PCDHA4: variants seen among roughly 807,000 people sequenced by gnomAD.
The protein encoded by PCDHA4 is protocadherin alpha 4.
A neutral mutation model predicts 61.4 loss-of-function variants in PCDHA4; 49 were observed. The ratio of observed to expected loss-of-function variants is 0.80; its 90% CI spans 0.63 to 1.01. The LOEUF is 1.01. Ranked by LOEUF, PCDHA4 falls within the 50% of genes least tolerant of loss-of-function variation. PCDHA4 has a pLI of 0.00. For synonymous variants in PCDHA4, 590 were observed against 550.3 expected (o/e 1.07, Z -1.01); for missense variants, 1,254 against 1,235.8 (o/e 1.01, Z -0.22).
intron 1 of PCDHA4, among the ~76,000 whole-genome samples, chr5:140,918,162 A>G (rs1344100803): frequency 1.3e-5 from 2 of 152,122 alleles, no homozygotes; most frequent in Non-Finnish European, 2.9e-5. Context: ...TCTATTGTAA[A>G]TGGCATTGTG....
At chr5:140,902,125 A>G (rs530625414) in intron 1 of PCDHA4, among the ~76,000 whole-genome samples, 27 of 150,728 alleles carry the variant, frequency 1.8e-4, no homozygotes, top group African/African-American at 6.1e-4. Context: ...CTGAGATTAT[A>G]TCATCTGCAA....
chr5:140,840,079 T>C lies in PCDHA4; in HGVS notation c.2385+30507T>C, dbSNP rs2150303127. Among the ~76,000 whole-genome samples the C allele has an allele frequency of 4.9e-4, 75 of 152,120 alleles. 1 individual carries two copies. The highest frequency in any genetic ancestry group is 8.7e-4 in the Non-Finnish European group (59 of 67,972). On this transcript the variant is annotated intron_variant, in intron 1 of 3. Coordinates refer to ENST00000530339, the MANE Select transcript of PCDHA4 (RefSeq NM_018907.4). The stretch of plus-strand genomic sequence containing the variant: ...TCTTGACAATTAGTCAATAGAAAGA[T>C]AAACTTGTTGAAGATTTTAGTGAAA...
At chr5:140,862,618 C>T in intron 1 of PCDHA4, 1 of 526,556 alleles carries the variant, frequency 1.9e-6, no homozygotes, top group East Asian at 5.1e-5. Context: ...AGGTAACAAC[C>T]CGCGGGGCTG....
At chr5:140,829,252 C>T (rs1430937328) in intron 1 of PCDHA4, 1 of 1,614,148 alleles carries the variant, frequency 6.2e-7, no homozygotes, top group Non-Finnish European at 8.5e-7. Flanking sequence ...AGGTGAACTG[C>T]TCGCTGACGC....
intron 1 of PCDHA4, chr5:140,929,609 A>G: frequency 2.4e-6 from 1 of 410,256 alleles, no homozygotes; most frequent in Non-Finnish European, 4.4e-6. Flanking sequence ...TAAAAATAAA[A>G]TACCAAAATA....
chr5:140,986,792 A>C (rs575794573), intron 3 of PCDHA4, among the ~76,000 whole-genome samples: 1 of 152,220 alleles, frequency 6.6e-6, no homozygotes, highest in Non-Finnish European at 1.5e-5. Context: ...CCACTAAGGC[A>C]GTGAGTCTTA....
chr5:140,836,263 A>T, intron 1 of PCDHA4: 3 of 1,613,768 alleles, frequency 1.9e-6, no homozygotes, highest in Non-Finnish European at 2.5e-6. Flanking sequence ...GTGGGGCTGT[A>T]CACTGGTGAG....
At chr5:140,857,652 G>A in intron 1 of PCDHA4, 4 of 1,596,610 alleles carry the variant, frequency 2.5e-6, no homozygotes, top group Admixed American at 1.7e-5. Context: ...TTCCAGGTGA[G>A]CGCGCGCGAT....
At position 140,842,682 on chromosome 5, in the gene PCDHA4, C is replaced by T. The variant is rs2150341934; in HGVS notation, c.2385+33110C>T. The stretch of plus-strand genomic sequence containing the variant: ...GCCGACGTGAACGACAATGCTCCGG[C>T]GTTCGCGCAGCCCGAGTACACGGTG... On this transcript the variant is annotated intron_variant, in intron 1 of 3. Coordinates refer to ENST00000530339, the MANE Select transcript of PCDHA4 (RefSeq NM_018907.4). 2.1e-5 allele frequency: 34 copies of T among 1,595,356 alleles called. 3 individuals are homozygous for T. The Middle Eastern group carries it at 5.3e-4, about 25-fold the overall frequency.
chr5:140,969,147 A>G (rs781909774), intron 1 of PCDHA4: 1 of 1,614,172 alleles, frequency 6.2e-7, no homozygotes, highest in Non-Finnish European at 8.5e-7. Flanking sequence ...TACTGCTACA[A>G]GGCCTGTCTG....
At chr5:140,926,564 A>T in intron 1 of PCDHA4, 1 of 243,746 alleles carries the variant, frequency 4.1e-6, no homozygotes, top group Non-Finnish European at 7.8e-6. Flanking sequence ...GCCCGCTGCT[A>T]CTGGAGACAG....
chr5:140,826,634 T>TTA (rs1768995547), intron 1 of PCDHA4, among the ~76,000 whole-genome samples: 4 of 152,118 alleles, frequency 2.6e-5, no homozygotes, highest in Admixed American at 2.6e-4. Flanking sequence ...GCCCTGACTT[T>TTA]TATATGAAGG....
At chr5:140,851,411 A>T in intron 1 of PCDHA4, 1 of 962,208 alleles carries the variant, frequency 1.0e-6, no homozygotes, top group Non-Finnish European at 1.3e-6. Flanking sequence ...ATAAGAAAGA[A>T]ACTTCCCCTA....
In PCDHA4 at chr5:140,822,136, G is replaced by A. The variant is rs143698188; in HGVS notation, c.2385+12564G>A. ...GCTGCAGGTTTTCCATGTGGAGGTGGCAGTGAAGGACATCAATGACAATCC... is the reference window on the plus strand; with the variant it reads ...GCTGCAGGTTTTCCATGTGGAGGTGACAGTGAAGGACATCAATGACAATCC... On this transcript the variant is annotated intron_variant, in intron 1 of 3. Coordinates refer to ENST00000530339, the MANE Select transcript of PCDHA4 (RefSeq NM_018907.4). The A allele has an allele frequency of 3.1e-5, 50 of 1,614,138 alleles. No homozygotes were observed. In the African/African-American group the frequency reaches 6.0e-4, roughly 19 times the overall value.
At position 140,852,928 on chromosome 5, in the gene PCDHA4, G is replaced by A. The variant is rs2150525567; in HGVS notation, c.2385+43356G>A. 7.3e-5 allele frequency: 48 copies of A among 653,604 alleles called. 1 individual carries two copies. The highest frequency in any genetic ancestry group is 1.3e-4 in the East Asian group (1 of 7,716). 40.5% of individuals were successfully genotyped at this position (653,604 alleles called of 1,614,324 possible). ...GAGTCTCGCTCTGTTGCCCAGGCTG[G>A]AGTGCAGTGGTGCCATCTTGGCTCA... On this transcript the variant is annotated intron_variant, in intron 1 of 3. Transcript: ENST00000530339.
intron 1 of PCDHA4, among the ~76,000 whole-genome samples, chr5:140,945,912 A>G (rs1351762760): frequency 2.0e-5 from 3 of 152,132 alleles, no homozygotes; most frequent in African/African-American, 7.2e-5. Flanking sequence ...TGAAAGATCA[A>G]TAACACTGAT....
intron 1 of PCDHA4, among the ~76,000 whole-genome samples, chr5:140,832,290 A>G (rs1433191230): frequency 6.6e-6 from 1 of 152,162 alleles, no homozygotes; most frequent in African/African-American, 2.4e-5. Context: ...TGAATGGTGT[A>G]TTTGCCCACA....
chr5:140,987,138 C>T (rs2097231368), intron 3 of PCDHA4, among the ~76,000 whole-genome samples: 1 of 151,182 alleles, frequency 6.6e-6, no homozygotes, highest in Non-Finnish European at 1.5e-5. Context: ...TGCTTGAACT[C>T]GGGAGGTGGA....
chr5:140,812,645 A>G (rs1765150746), intron 1 of PCDHA4: 1 of 152,074 alleles, frequency 6.6e-6, no homozygotes, highest in Non-Finnish European at 1.5e-5. Context: ...CATGTTTAAG[A>G]GACAAGATCT....
Sources: gnomAD v4.1 joint callset for allele counts (sites outside exome capture counted in the v4.1 genomes callset) on GRCh38, gnomAD v4.1.1 for gene constraint, MANE v1.5 for transcripts, NCBI Gene and HGNC (gene_info 2026-07-23, HGNC 2026-07-21) for gene names.